The following ZNF470 variants were observed in gnomAD, a reference collection of about 807,000 sequenced individuals.
The protein encoded by ZNF470 is zinc finger protein 470.
A neutral mutation model predicts 13.9 loss-of-function variants in ZNF470; 13 were observed. The ratio of observed to expected loss-of-function variants is 0.94; its 90% CI spans 0.61 to 1.49. The LOEUF is 1.49. Ranked by LOEUF, ZNF470 falls within the 40% of genes most tolerant of loss-of-function variation. The probability of loss-of-function intolerance (pLI) is 0.00; values close to 1 mark genes in which losing one functional copy is unlikely to be tolerated. For synonymous variants in ZNF470, 293 were observed against 282.9 expected (o/e 1.04, Z -0.36); for missense variants, 929 against 857.3 (o/e 1.08, Z -1.04).
At chr19:56,571,874 T>A (rs915660969) in intron 3 of ZNF470, among the ~76,000 whole-genome samples, 5 of 151,244 alleles carry the variant, frequency 3.3e-5, no homozygotes, top group Non-Finnish European at 7.4e-5. Context: ...AGCTTTGGCC[T>A]CCCAAAGTTC....
chr19:56,575,452 ATTT>A (rs74269125), intron 5 of ZNF470, among the ~76,000 whole-genome samples: 2 of 138,018 alleles, frequency 1.4e-5, no homozygotes, highest in African/African-American at 2.7e-5. Context: ...ATTTCATTCA[ATTT>A]TTTTTTTTTT....
At chr19:56,572,541 CAAAAA>C (rs764794483) in intron 3 of ZNF470, among the ~76,000 whole-genome samples, 2 of 87,264 alleles carry the variant, frequency 2.3e-5, no homozygotes, top group East Asian at 3.1e-4. Context: ...GACCCTGTCT[CAAAAA>C]AAAAAAAAAA....
rs748576945 is a variant in ZNF470, at chr19:56,576,845, G to C, written c.416G>C (p.Trp139Ser). The change falls in exon 6 of 6, where the codon TGG (tryptophan) becomes TCG (serine). Residue 139 changes from tryptophan to serine, a missense_variant. By Grantham distance (177) the Trp-to-Ser change is radical. Coordinates refer to ENST00000330619, the MANE Select transcript of ZNF470 (RefSeq NM_001001668.4). The stretch of plus-strand genomic sequence containing the variant: ...GAATGTTCAACATTAGGGAAAAACT[G>C]GAAATGTGAAGACTTGTTTGAGAGG... ...DLECSTLGKN[W>S]KCEDLFEREL... is the part of the protein sequence containing the mutation. The C allele has an allele frequency of 1.9e-6, 3 of 1,591,866 alleles. No individual in the cohort carries two copies. The South Asian group carries it at 3.4e-5, about 18-fold the overall frequency.
intron 2 of ZNF470, among the ~76,000 whole-genome samples, chr19:56,569,606 C>T (rs1026856762): frequency 6.6e-6 from 1 of 152,048 alleles, no homozygotes; most frequent in Non-Finnish European, 1.5e-5. Context: ...ACAATATACC[C>T]GATTCTGTTT....
Position 56,581,104 on chromosome 19 carries a change from A to G in ZNF470, c.*2521A>G, listed in dbSNP as rs2044532175. The G allele has an allele frequency of 1.0e-6, 1 of 969,828 alleles. No individual in the cohort carries two copies. Among genetic ancestry groups the G allele is most frequent in the Non-Finnish European group, 1.2e-6 (1 of 815,746 alleles). 60.1% of individuals were successfully genotyped at this position (969,828 alleles called of 1,614,324 possible). On this transcript the variant is annotated 3_prime_UTR_variant, in exon 6 of 6. Transcript: ENST00000330619. ...GTCAATAGATAAATGAGAGACTGAC[A>G]CAAAGTGTTTGCAACAGATATAATA...
intron 2 of ZNF470, 92 bp from the exon 3 acceptor site, chr19:56,570,184 TGTGA>T (rs2044441395): frequency 1.2e-6 from 1 of 808,660 alleles, no homozygotes; most frequent in East Asian, 2.6e-5. Flanking sequence ...GAGTGAGGAC[TGTGA>T]GTGAGGACAG....
chr19:56,571,594 GT>G (rs2044452178), intron 3 of ZNF470, among the ~76,000 whole-genome samples: 1 of 150,962 alleles, frequency 6.6e-6, no homozygotes, highest in South Asian at 2.1e-4. Context: ...GAGTAGTTAA[GT>G]TTTCTTTTTG....
chr19:56,579,778 T>C lies in ZNF470; in HGVS notation c.*1195T>C, dbSNP rs1232502829. 4 of 942,744 alleles carry C rather than the reference T, an allele frequency of 4.2e-6. No individual in the cohort carries two copies. The highest frequency in any genetic ancestry group is 5.1e-6 in the Non-Finnish European group (4 of 791,180). The allele number at this position is 942,744 out of a possible 1,614,324, so 58.4% of individuals were successfully genotyped here. ...TAGGAAGGCTAGACATGCCTCTGTA[T>C]AGAAAATCTGATAAAAATATTTCTC... On this transcript the variant is annotated 3_prime_UTR_variant, in exon 6 of 6. Coordinates refer to ENST00000330619, the MANE Select transcript of ZNF470 (RefSeq NM_001001668.4).
At position 56,574,376 on chromosome 19, in the gene ZNF470, A is replaced by G. The variant is rs2044474694; in HGVS notation, c.61-18A>G. 3 of 1,613,496 alleles carry G rather than the reference A, an allele frequency of 1.9e-6. No individual in the cohort carries two copies. The highest frequency in any genetic ancestry group is 1.1e-5 in the South Asian group (1 of 91,064). On this transcript the variant is annotated intron_variant, in intron 3 of 5. Coordinates refer to ENST00000330619, the MANE Select transcript of ZNF470 (RefSeq NM_001001668.4). Reference sequence around the variant, plus strand: ...ATGTGAACACTGAGTGAGCAAGATCATATTTGTGTCATTTTAGGGTTCAGT... The same window carrying G: ...ATGTGAACACTGAGTGAGCAAGATCGTATTTGTGTCATTTTAGGGTTCAGT...
Position 56,578,045 on chromosome 19 carries a change from G to T in ZNF470, c.1616G>T (p.Cys539Phe), listed in dbSNP as rs774127649. 6.2e-7 allele frequency: 1 copy of T among 1,614,050 alleles called. No homozygotes were observed. The highest frequency in any genetic ancestry group is 8.5e-7 in the Non-Finnish European group (1 of 1,180,018). The change falls in exon 6 of 6, where the codon TGT becomes TTT. Residue 539 changes from cysteine (C) to phenylalanine (F), a missense_variant. Physicochemically the swap from Cys to Phe is radical, Grantham distance 205 (BLOSUM62 -2). Coordinates refer to ENST00000330619, the MANE Select transcript of ZNF470 (RefSeq NM_001001668.4). ...KIHTGEKPYE[C>F]KECGKAFSQI... ...CACACTGGGGAGAAACCTTATGAATGTAAGGAATGTGGTAAGGCCTTCAGT... is the reference window on the plus strand; with the variant it reads ...CACACTGGGGAGAAACCTTATGAATTTAAGGAATGTGGTAAGGCCTTCAGT...
chr19:56,570,471 C>A, intron 3 of ZNF470, 100 bp downstream of exon 3: 3 of 1,141,622 alleles, frequency 2.6e-6, no homozygotes, highest in Non-Finnish European at 3.9e-6. Flanking sequence ...AGAGTTCCAC[C>A]CTGAGGCCTG....
Position 56,567,878 on chromosome 19 carries a change from C to G in ZNF470, c.-319C>G. 9.1e-6 allele frequency: 9 copies of G among 984,998 alleles called. No homozygotes were observed. The highest frequency in any genetic ancestry group is 1.1e-5 in the Non-Finnish European group (9 of 829,962). The allele number at this position is 984,998 out of a possible 1,614,324, so 61.0% of individuals were successfully genotyped here. A position where few individuals can be genotyped will look rare whatever the true frequency, so the allele number is the denominator to read the frequency against. ...CTCCCCTGTATCGACTGCGTAGAGC[C>G]CAGTGTGGGCAAAGTCCTAGAGCCC... is the stretch of plus-strand genomic sequence containing the variant. On this transcript the variant is annotated 5_prime_UTR_variant, in exon 1 of 6. Transcript: ENST00000330619.
At chr19:56,573,193 C>T (rs938990122) in intron 3 of ZNF470, among the ~76,000 whole-genome samples, 4 of 152,054 alleles carry the variant, frequency 2.6e-5, no homozygotes, top group East Asian at 1.9e-4. Flanking sequence ...TTGGCCTTCT[C>T]TTCTTCTCTC....
chr19:56,579,958 TTCAC>T lies in ZNF470; in HGVS notation c.*1376_*1379del. ...ATACTAATTGAACATTTGCTAATGTTTCACACACTATTTTAGGTGCTGGGGGATA... is the reference window on the plus strand; with the variant it reads ...ATACTAATTGAACATTTGCTAATGTTACACTATTTTAGGTGCTGGGGGATA... On this transcript the variant is annotated 3_prime_UTR_variant, in exon 6 of 6. Coordinates refer to ENST00000330619, the MANE Select transcript of ZNF470 (RefSeq NM_001001668.4). 1 of 292,758 alleles carries T rather than the reference TTCAC, an allele frequency of 3.4e-6. No individual in the cohort carries two copies. Among genetic ancestry groups the T allele is most frequent in the Non-Finnish European group, 5.1e-6 (1 of 197,222 alleles). The allele number at this position is 292,758 out of a possible 1,614,324, so 18.1% of individuals were successfully genotyped here. A position where few individuals can be genotyped will look rare whatever the true frequency, so the allele number is the denominator to read the frequency against.
At position 56,579,135 on chromosome 19, in the gene ZNF470, C is replaced by T; in HGVS notation, c.*552C>T. ...GAGAATCAGCCAATTAGAACAAAAGCTTTTAGCTGGGTGCGGTGGCTCATG... is the reference window on the plus strand; with the variant it reads ...GAGAATCAGCCAATTAGAACAAAAGTTTTTAGCTGGGTGCGGTGGCTCATG... On this transcript the variant is annotated 3_prime_UTR_variant, in exon 6 of 6. Coordinates refer to ENST00000330619, the MANE Select transcript of ZNF470 (RefSeq NM_001001668.4). 1 of 985,468 alleles carries T rather than the reference C, an allele frequency of 1.0e-6. No individual in the cohort carries two copies. Among genetic ancestry groups the T allele is most frequent in the Non-Finnish European group, 1.2e-6 (1 of 829,966 alleles). 61.0% of individuals were successfully genotyped at this position (985,468 alleles called of 1,614,324 possible).
chr19:56,582,396 G>A lies in ZNF470; in HGVS notation c.*3813G>A. 1 of 985,310 alleles carries A rather than the reference G, an allele frequency of 1.0e-6. No individual in the cohort carries two copies. The highest frequency in any genetic ancestry group is 1.2e-6 in the Non-Finnish European group (1 of 829,866). The allele number at this position is 985,310 out of a possible 1,614,324, so 61.0% of individuals were successfully genotyped here. ...ATATTGTTGAAAGATGTCTTACATT[G>A]TTTAAAGTCATAGGGTTAAGATGGC... On this transcript the variant is annotated 3_prime_UTR_variant, in exon 6 of 6. Coordinates refer to ENST00000330619, the MANE Select transcript of ZNF470 (RefSeq NM_001001668.4).
At position 56,577,311 on chromosome 19, in the gene ZNF470, C is replaced by A. The variant is rs1223753012; in HGVS notation, c.882C>A (p.Ser294Arg). 6.2e-7 allele frequency: 1 copy of A among 1,613,682 alleles called. No homozygotes were observed. Among genetic ancestry groups the A allele is most frequent in the South Asian group, 1.1e-5 (1 of 91,040 alleles). Reference protein sequence around the residue: ...FECTECGKAFSQNAHLVQHQR... With the variant: ...FECTECGKAFRQNAHLVQHQR... ...GTACTGAATGTGGGAAAGCCTTCAG[C>A]CAGAATGCTCATCTTGTTCAACACC... The change falls in exon 6 of 6, where the codon AGC becomes AGA. Residue 294 changes from serine (S) to arginine (R), a missense_variant. Coordinates refer to ENST00000330619, the MANE Select transcript of ZNF470 (RefSeq NM_001001668.4).
intron 5 of ZNF470, among the ~76,000 whole-genome samples, chr19:56,575,622 C>A (rs1264743990): frequency 6.6e-6 from 1 of 151,956 alleles, no homozygotes; most frequent in Non-Finnish European, 1.5e-5. Context: ...TTCAGTTCTT[C>A]ATTTTATTTT....
Position 56,579,530 on chromosome 19 carries a change from T to C in ZNF470, c.*947T>C, listed in dbSNP as rs1048474170. 1.4e-5 allele frequency: 14 copies of C among 985,286 alleles called. No homozygotes were observed. Among genetic ancestry groups the C allele is most frequent in the Non-Finnish European group, 2.4e-6 (2 of 829,934 alleles). The allele number at this position is 985,286 out of a possible 1,614,324, so 61.0% of individuals were successfully genotyped here. On this transcript the variant is annotated 3_prime_UTR_variant, in exon 6 of 6. Transcript: ENST00000330619. The stretch of plus-strand genomic sequence containing the variant: ...AAAAACTTGAATAGATTAATAGCCA[T>C]GAAACACTGAAAAGGGTAGTTCAAT...
Sources: allele counts gnomAD v4.1 joint callset (sites outside exome capture counted in the v4.1 genomes callset), GRCh38; gene constraint gnomAD v4.1.1; transcripts MANE v1.5; gene names NCBI Gene and HGNC (gene_info 2026-07-23, HGNC 2026-07-21).